The following PHKA2 variants were observed in gnomAD, a reference collection of about 807,000 sequenced individuals.
PHKA2 encodes the protein phosphorylase b kinase regulatory subunit alpha, liver isoform.
Under a neutral mutation model 102.0 loss-of-function variants are expected in PHKA2, and 31 were observed. The observed-to-expected ratio is 0.30, with a 90% confidence interval of 0.23 to 0.41. The LOEUF is 0.41. Among genes scored for constraint, PHKA2 ranks in the 10% least tolerant of loss-of-function variants. The probability of loss-of-function intolerance (pLI) is 1.00; values close to 1 mark genes in which losing one functional copy is unlikely to be tolerated. For missense variants in PHKA2, 858 were observed against 1,023.1 expected, an observed-to-expected ratio of 0.84 and a Z score of 2.20; for synonymous variants, 455 against 416.2, an observed-to-expected ratio of 1.09 and a Z score of -1.13.
chrX:18,976,678 C>T (rs1399172087), intron 1 of PHKA2, among the ~76,000 whole-genome samples: 1 of 111,289 alleles, frequency 9.0e-6, no homozygotes, highest in Non-Finnish European at 1.9e-5. Flanking sequence ...TATCTATGTA[C>T]AGGGAAAAAA....
rs111693710 is a variant in PHKA2 at position 18,966,090 on chromosome X, T to G, written c.79-11678A>C. Reference sequence around the variant, plus strand: ...TGGTGGTGGCTCTTTTGTTTTTTTTTTGTTTTTTTTTTTTTGAGATGGAGT... The same window carrying G: ...TGGTGGTGGCTCTTTTGTTTTTTTTGTGTTTTTTTTTTTTTGAGATGGAGT... On this transcript the variant is annotated intron_variant, in intron 1 of 32. Coordinates refer to ENST00000379942, the MANE Select transcript of PHKA2 (RefSeq NM_000292.3). 4.8e-3 allele frequency among the ~76,000 whole-genome samples: 500 copies of G among 103,758 alleles called. 9 individuals are homozygous for G. The highest frequency in any genetic ancestry group is 0.017 in the African/African-American group (461 of 26,696). 90.1% of individuals were successfully genotyped at this position (103,758 alleles called of 115,157 possible). A position where few individuals can be genotyped will look rare whatever the true frequency, so the allele number is the denominator to read the frequency against.
intron 3 of PHKA2, 135 bp downstream of exon 3, chrX:18,952,359 A>T: frequency 2.1e-6 from 1 of 484,598 alleles, no homozygotes; most frequent in Non-Finnish European, 3.7e-6. Flanking sequence ...AAAGAGAGAG[A>T]GAAAGTAAGC....
intron 16 of PHKA2, 35 bp from the exon 17 acceptor site, chrX:18,924,169 G>A (rs779898678): frequency 7.4e-6 from 8 of 1,082,812 alleles, no homozygotes; most frequent in Non-Finnish European, 1.0e-5. Context: ...GTTTAGTCTG[G>A]GCAGACTTTT....
chrX:18,958,143 A>G (rs2148004028), intron 1 of PHKA2, among the ~76,000 whole-genome samples: 1 of 111,553 alleles, frequency 9.0e-6, no homozygotes, highest in Admixed American at 9.5e-5. Flanking sequence ...TACAGGCGTG[A>G]GCCACCGTGC....
intron 26 of PHKA2, among the ~76,000 whole-genome samples, chrX:18,904,548 A>G (rs2047768341): frequency 8.9e-6 from 1 of 112,530 alleles, no homozygotes; most frequent in South Asian, 3.6e-4. Context: ...TGAATACTAT[A>G]ATGATGAGCA....
At chrX:18,950,326 C>T (rs1262797598) in intron 4 of PHKA2, among the ~76,000 whole-genome samples, 1 of 112,095 alleles carries the variant, frequency 8.9e-6, no homozygotes, top group African/African-American at 3.2e-5. Context: ...GCTGAAAGGA[C>T]AGGGCTGCTG....
intron 1 of PHKA2, among the ~76,000 whole-genome samples, chrX:18,958,564 A>G (rs1275533711): frequency 9.2e-6 from 1 of 108,239 alleles, no homozygotes; most frequent in East Asian, 2.9e-4. Context: ...ATGTAAAGTG[A>G]TATCTCATCA....
At chrX:18,934,242 G>A (rs1311717792) in intron 11 of PHKA2, among the ~76,000 whole-genome samples, 1 of 112,248 alleles carries the variant, frequency 8.9e-6, no homozygotes, top group Admixed American at 9.4e-5. Flanking sequence ...TATTTGCAGG[G>A]GATCTAGGCT....
chrX:18,936,095 A>G lies in PHKA2; in HGVS notation c.1097T>C (p.Ile366Thr), dbSNP rs2048390129. The part of the protein sequence containing the change: ...EGILIRGKNG[I>T]RLVPELYAVP... ...AGCGTAGAGTTCAGGCACCAGGCGG[A>G]TCCCATTCTTGCCTCTGATGAGTAT... Residue 366 changes from isoleucine (I) to threonine (T), a missense_variant, in exon 11 of 33, where the codon ATC (isoleucine) becomes ACC (threonine). Physicochemically the swap from Ile to Thr is moderately conservative, Grantham distance 89. Coordinates refer to ENST00000379942, the MANE Select transcript of PHKA2 (RefSeq NM_000292.3). 8.3e-7 allele frequency: 1 copy of G among 1,207,335 alleles called. No individual in the cohort carries two copies. The highest frequency in any genetic ancestry group is 1.1e-6 in the Non-Finnish European group (1 of 893,265).
intron 18 of PHKA2, among the ~76,000 whole-genome samples, chrX:18,919,372 G>A (rs1377541713): frequency 9.0e-6 from 1 of 111,676 alleles, no homozygotes; most frequent in Admixed American, 9.6e-5. Flanking sequence ...AATTCAAGCA[G>A]TATGTTTCTG....
At chrX:18,917,113 G>C (rs1234033004) in intron 19 of PHKA2, among the ~76,000 whole-genome samples, 1 of 110,260 alleles carries the variant, frequency 9.1e-6, no homozygotes, top group Non-Finnish European at 1.9e-5. Context: ...GGACTCAAGC[G>C]ATCTTCCTGC....
Position 18,940,039 on chromosome X carries a change from C to T in PHKA2, c.874G>A (p.Gly292Arg). 1 of 1,192,192 alleles carries T rather than the reference C, an allele frequency of 8.4e-7. No individual in the cohort carries two copies. The highest frequency in any genetic ancestry group is 1.8e-5 in the South Asian group (1 of 56,513). Residue 292 changes from glycine (G) to arginine (R), a missense_variant, in exon 9 of 33, where the codon GGA becomes AGA. Physicochemically the swap from Gly to Arg is moderately radical, Grantham distance 125. Around this residue, in one of 2 missense-constraint regions of PHKA2, gnomAD observed 187 missense variants for 277.9 expected, o/e 0.67. Coordinates refer to ENST00000379942, the MANE Select transcript of PHKA2 (RefSeq NM_000292.3). ...EIISKLQGRY[G>R]CCRFLRDGYK... Reference sequence around the variant, plus strand: ...CCATCTCGAAGGAAGCGACAGCATCCATAACGCCCCTAATAAGAGAAAGTA... The same window carrying T: ...CCATCTCGAAGGAAGCGACAGCATCTATAACGCCCCTAATAAGAGAAAGTA...
chrX:18,939,314 C>A (rs2048449274), intron 9 of PHKA2, among the ~76,000 whole-genome samples: 1 of 109,781 alleles, frequency 9.1e-6, no homozygotes, highest in African/African-American at 3.3e-5. Context: ...TTGCTAGGAC[C>A]ACAGGTACAT....
chrX:18,932,356 TTCTC>T (rs1244237952), intron 11 of PHKA2, among the ~76,000 whole-genome samples: 2 of 111,360 alleles, frequency 1.8e-5, no homozygotes, highest in East Asian at 2.8e-4. Context: ...GTCTGCAACT[TTCTC>T]TCTTTTAAAC....
intron 21 of PHKA2, 25 bp downstream of exon 21, chrX:18,908,776 T>G (rs1464771543): frequency 8.7e-7 from 1 of 1,146,552 alleles, no homozygotes; most frequent in South Asian, 1.8e-5. Context: ...TTGTTATAAC[T>G]GCCCGAATGG....
intron 1 of PHKA2, among the ~76,000 whole-genome samples, chrX:18,968,361 C>T (rs1404308739): frequency 3.5e-5 from 4 of 112,683 alleles, no homozygotes; most frequent in Non-Finnish European, 5.6e-5. Context: ...CTTCTGTATT[C>T]ACTTTGTGGC....
chrX:18,932,355 T>C (rs1416451430), intron 11 of PHKA2, among the ~76,000 whole-genome samples: 1 of 111,437 alleles, frequency 9.0e-6, no homozygotes, highest in East Asian at 2.8e-4. Flanking sequence ...AGTCTGCAAC[T>C]TTCTCTCTTT....
In PHKA2 at chrX:18,956,476, G is replaced by A. The variant is rs896486086; in HGVS notation, c.79-2064C>T. Among the ~76,000 whole-genome samples the A allele has an allele frequency of 2.7e-5, 3 of 111,981 alleles. No individual in the cohort carries two copies. The Admixed American group carries it at 2.8e-4, about 11-fold the overall frequency. ...AGTCTACTAAAACAAACAACCTTCT[G>A]GTGACACAGCAGTGATCGCTTACAC... On this transcript the variant is annotated intron_variant, in intron 1 of 32. Transcript: ENST00000379942.
chrX:18,894,718 G>A, intron 31 of PHKA2: 1 of 394,759 alleles, frequency 2.5e-6, no homozygotes, highest in South Asian at 3.8e-5. Flanking sequence ...ATGAAGCATG[G>A]TGCTTTGGGT....
Sources: gnomAD v4.1 joint callset for allele counts (sites outside exome capture counted in the v4.1 genomes callset) on GRCh38, gnomAD v4.1.1 for gene constraint, gnomAD v4.1.1 regional missense constraint, MANE v1.5 for transcripts, NCBI Gene and HGNC (gene_info 2026-07-23, HGNC 2026-07-21) for gene names.